The following SRR variants were observed in gnomAD, a reference collection of about 807,000 sequenced individuals.
SRR encodes serine racemase.
Under a neutral mutation model 32.7 loss-of-function variants are expected in SRR, and 19 were observed. The observed-to-expected ratio is 0.58, with a 90% CI of 0.40 to 0.85. The LOEUF (loss-of-function observed/expected upper bound fraction) is 0.85. SRR is among the 40% of genes least tolerant of loss of function. The probability of loss-of-function intolerance (pLI) is 0.00; values close to 1 mark genes in which losing one functional copy is unlikely to be tolerated. For synonymous variants in SRR, 142 were observed against 140.9 expected (o/e 1.01, Z -0.06); for missense variants, 373 against 404.7 (o/e 0.92, Z 0.67).
upstream of SRR, chr17:2,303,462 C>G (rs748024954): frequency 1.5e-6 from 2 of 1,318,162 alleles, no homozygotes; most frequent in Non-Finnish European, 1.9e-6. Flanking sequence ...CGACCCCGCA[C>G]TAACCCGCGA....
intron 1 of SRR, chr17:2,307,392 T>C (rs1388744547): frequency 9.6e-6 from 11 of 1,149,378 alleles, no homozygotes; most frequent in African/African-American, 9.1e-5. Flanking sequence ...GTGGTTTCGG[T>C]AGGAATGACA....
chr17:2,307,112 A>G, intron 1 of SRR: 1 of 1,121,936 alleles, frequency 8.9e-7, no homozygotes. Context: ...GACACTGAAG[A>G]ATATCACCTA....
intron 6 of SRR, among the ~76,000 whole-genome samples, chr17:2,321,879 G>A (rs1471661302): frequency 2.6e-5 from 4 of 152,216 alleles, no homozygotes; most frequent in Admixed American, 2.6e-4. Flanking sequence ...CCGGGTTCAA[G>A]CGATTCTCCT....
chr17:2,303,756 C>A (rs1414795909), upstream of SRR: 9 of 1,473,714 alleles, frequency 6.1e-6, no homozygotes, highest in Non-Finnish European at 8.1e-6. Flanking sequence ...GCGGCTCCGC[C>A]ACCGCCGCGC....
Position 2,324,668 on chromosome 17 carries a change from ATCC to A in SRR, c.*803_*805del. ...TATACCACAAAGGCAATCAGATCCC[ATCC>A]TCCTCCTTCATACCCACCTCTGTTG... On this transcript the variant is annotated 3_prime_UTR_variant, in exon 8 of 8. Transcript: ENST00000344595. 6.2e-7 allele frequency: 1 copy of A among 1,614,036 alleles called. No homozygotes were observed. Among genetic ancestry groups the A allele is most frequent in the Non-Finnish European group, 8.5e-7 (1 of 1,180,016 alleles).
In SRR at chr17:2,324,949, C is replaced by G; in HGVS notation, c.*1076C>G. 1 of 1,171,462 alleles carries G rather than the reference C, an allele frequency of 8.5e-7. No individual in the cohort carries two copies. Among genetic ancestry groups the G allele is most frequent in the Non-Finnish European group, 1.2e-6 (1 of 855,786 alleles). The allele number at this position is 1,171,462 out of a possible 1,614,324, so 72.6% of individuals were successfully genotyped here. ...TTTGTCATCCCTGCCCTAGCCCAATCTGAGGCTAAGATTGGTAAACTGTAA... is the reference window on the plus strand; with the variant it reads ...TTTGTCATCCCTGCCCTAGCCCAATGTGAGGCTAAGATTGGTAAACTGTAA... On this transcript the variant is annotated 3_prime_UTR_variant, in exon 8 of 8. Coordinates refer to ENST00000344595, the MANE Select transcript of SRR (RefSeq NM_021947.3).
In SRR at chr17:2,318,100, G is replaced by T. The variant is rs1597265819; in HGVS notation, c.295+104G>T. The stretch of plus-strand genomic sequence containing the variant: ...TAGCTGTGGGAAGTAACTTTCCAAA[G>T]AAATCTCTATCTGATTGCAAGCAAT... On this transcript the variant is annotated intron_variant, in intron 3 of 7. Transcript: ENST00000344595. 3.9e-6 allele frequency: 5 copies of T among 1,295,052 alleles called. No individual in the cohort carries two copies. In the East Asian group the frequency reaches 1.0e-4, roughly 27 times the overall value. 80.2% of individuals were successfully genotyped at this position (1,295,052 alleles called of 1,614,324 possible). A position where few individuals can be genotyped will look rare whatever the true frequency, so the allele number is the denominator to read the frequency against.
Position 2,323,726 on chromosome 17 carries a change from T to TG in SRR, c.877dup (p.Val293GlyfsTer38). The TG allele has an allele frequency of 1.2e-6, 2 of 1,614,022 alleles. No homozygotes were observed. Among genetic ancestry groups the TG allele is most frequent in the South Asian group, 2.2e-5 (2 of 91,088 alleles). ...CTACAGCTGGTGTTGGAGTGGCTGC[T>TG]GTGCTGTCTCAACATTTTCAAACTG... On this transcript the variant is annotated frameshift_variant, in exon 8 of 8. Coordinates refer to ENST00000344595, the MANE Select transcript of SRR (RefSeq NM_021947.3). LOFTEE classifies it high-confidence loss of function.
chr17:2,324,358 CAT>C lies in SRR; in HGVS notation c.*486_*487del, dbSNP rs777997931. On this transcript the variant is annotated 3_prime_UTR_variant, in exon 8 of 8. Coordinates refer to ENST00000344595, the MANE Select transcript of SRR (RefSeq NM_021947.3). ...TTAGCTTCCCATCAAAGCTGCATTT[CAT>C]GTGGCCATGGGTACCTAGAAAGACA... The C allele has an allele frequency of 5.8e-6, 9 of 1,564,976 alleles. No individual in the cohort carries two copies. The highest frequency in any genetic ancestry group is 8.6e-7 in the Non-Finnish European group (1 of 1,159,096).
chr17:2,307,376 G>A (rs968735364), intron 1 of SRR: 50 of 1,083,222 alleles, frequency 4.6e-5, no homozygotes, highest in South Asian at 4.0e-4. Flanking sequence ...GGTGGTGGTC[G>A]TGGAGGTGGT....
At chr17:2,316,603 G>C (rs181794003) in intron 2 of SRR, among the ~76,000 whole-genome samples, 1 of 152,320 alleles carries the variant, frequency 6.6e-6, no homozygotes, top group East Asian at 1.9e-4. Context: ...TATGACAGGC[G>C]CAGTGGTTCA....
rs1414153900 is a variant in SRR at position 2,324,239 on chromosome 17, T to G, written c.*366T>G. 6.5e-7 allele frequency: 1 copy of G among 1,530,478 alleles called. No individual in the cohort carries two copies. The highest frequency in any genetic ancestry group is 2.3e-5 in the Admixed American group (1 of 44,004). The allele number at this position is 1,530,478 out of a possible 1,614,324, so 94.8% of individuals were successfully genotyped here. ...AGGCACTGTTGAAGAAATCTCACTT[T>G]TCAGCCAGGGTACTGGTTCTGGTAC... On this transcript the variant is annotated 3_prime_UTR_variant, in exon 8 of 8. Coordinates refer to ENST00000344595, the MANE Select transcript of SRR (RefSeq NM_021947.3).
chr17:2,317,807 G>A (rs970554113), intron 2 of SRR, 63 bp from the exon 3 acceptor site: 3 of 1,561,970 alleles, frequency 1.9e-6, no homozygotes, highest in Non-Finnish European at 2.6e-6. Flanking sequence ...ATCTAGAAAA[G>A]CTCCTTGCTT....
intron 4 of SRR, among the ~76,000 whole-genome samples, chr17:2,320,178 A>G (rs1318155877): frequency 6.6e-6 from 1 of 151,396 alleles, no homozygotes; most frequent in Non-Finnish European, 1.5e-5. Context: ...ACACGGTGGA[A>G]ACGAGAGTTC....
chr17:2,318,874 A>C lies in SRR; in HGVS notation c.344A>C (p.Lys115Thr). 6.2e-7 allele frequency: 1 copy of C among 1,613,874 alleles called. No homozygotes were observed. Residue 115 changes from lysine to threonine, a missense_variant, in exon 4 of 8, where the codon AAA becomes ACA. By Grantham distance (78) the Lys-to-Thr change is moderately conservative. Transcript: ENST00000344595. ...VVPQTAPDCK[K>T]LAIQAYGASI... ...CCCCAGACAGCTCCAGACTGTAAAA[A>C]ACTTGCAATACAAGCCTACGGAGCG...
At chr17:2,323,596 T>G in intron 7 of SRR, 59 bp from the exon 8 acceptor site, 1 of 1,561,798 alleles carries the variant, frequency 6.4e-7, no homozygotes, top group South Asian at 1.1e-5. Context: ...ATCTGAACTT[T>G]ATAGGTAAAC....
chr17:2,314,622 G>T (rs1198517756), intron 1 of SRR, among the ~76,000 whole-genome samples: 1 of 149,792 alleles, frequency 6.7e-6, no homozygotes, highest in African/African-American at 2.5e-5. Context: ...GCATGGTGGT[G>T]CATGCCTGTA....
chr17:2,312,545 A>G (rs1274015153), intron 1 of SRR, among the ~76,000 whole-genome samples: 1 of 152,012 alleles, frequency 6.6e-6, no homozygotes, highest in African/African-American at 2.4e-5. Context: ...CAGTGAGCCA[A>G]GATCCCACCA....
At chr17:2,320,182 A>G (rs1482710687) in intron 4 of SRR, among the ~76,000 whole-genome samples, 2 of 147,234 alleles carry the variant, frequency 1.4e-5, no homozygotes, top group Admixed American at 6.8e-5. Context: ...GGTGGAAACG[A>G]GAGTTCTTGC....
Sources: allele counts gnomAD v4.1 joint callset (sites outside exome capture counted in the v4.1 genomes callset), GRCh38; gene constraint gnomAD v4.1.1; transcripts MANE v1.5; gene names NCBI Gene and HGNC (gene_info 2026-07-23, HGNC 2026-07-21).